The following SPIDR variants were observed in gnomAD, a reference collection of about 807,000 sequenced individuals.
SPIDR encodes scaffold protein involved in DNA repair, also known as DNA repair-scaffolding protein.
Under a neutral mutation model 104.6 loss-of-function variants are expected in SPIDR, and 93 were observed. The observed-to-expected ratio is 0.89, with a 90% CI of 0.75 to 1.06. SPIDR has a LOEUF of 1.06. Ranked by LOEUF, SPIDR falls within the 50% of genes least tolerant of loss-of-function variation. SPIDR has a pLI of 0.00. For missense variants in SPIDR, 1,154 were observed against 1,111.2 expected (o/e 1.04, Z -0.55); for synonymous variants, 431 against 416.9 (o/e 1.03, Z -0.41).
At chr8:47,360,110 C>T (rs1271487185) in intron 5 of SPIDR, among the ~76,000 whole-genome samples, 3 of 151,874 alleles carry the variant, frequency 2.0e-5, no homozygotes, top group Non-Finnish European at 2.9e-5. Flanking sequence ...GGCGTGGTGG[C>T]GGGCGCCTGT....
intron 10 of SPIDR, among the ~76,000 whole-genome samples, chr8:47,616,557 C>A (rs2154433301): frequency 6.6e-6 from 1 of 152,308 alleles, no homozygotes; most frequent in East Asian, 1.9e-4. Flanking sequence ...CAGTTCAATT[C>A]TACTGGATCC....
At chr8:47,679,562 G>T (rs1422172897) in intron 11 of SPIDR, among the ~76,000 whole-genome samples, 3 of 148,808 alleles carry the variant, frequency 2.0e-5, no homozygotes, top group African/African-American at 7.5e-5. Context: ...CTCCAGTGCT[G>T]GCCTGTGCCA....
chr8:47,341,413 G>C (rs1554613919), intron 5 of SPIDR, among the ~76,000 whole-genome samples: 1 of 151,992 alleles, frequency 6.6e-6, no homozygotes, highest in East Asian at 1.9e-4. Context: ...TTGCAGGTCA[G>C]GGCCTTTAGA....
intron 8 of SPIDR, among the ~76,000 whole-genome samples, chr8:47,594,953 G>T (rs572167880): frequency 6.6e-6 from 1 of 152,042 alleles, no homozygotes; most frequent in African/African-American, 2.4e-5. Context: ...CTGAGACCAT[G>T]CCACTGCACT....
At chr8:47,342,645 C>G (rs2051011480) in intron 5 of SPIDR, among the ~76,000 whole-genome samples, 1 of 152,050 alleles carries the variant, frequency 6.6e-6, no homozygotes, top group African/African-American at 2.4e-5. Flanking sequence ...CCTGAAATGT[C>G]TTATTTTTTA....
At chr8:47,619,532 C>T (rs2064831811) in intron 10 of SPIDR, among the ~76,000 whole-genome samples, 1 of 152,078 alleles carries the variant, frequency 6.6e-6, no homozygotes, top group Non-Finnish European at 1.5e-5. Flanking sequence ...ACTGACGCTT[C>T]CTCTCAGGGT....
intron 8 of SPIDR, chr8:47,511,618 G>T: frequency 1.3e-6 from 1 of 790,646 alleles, no homozygotes. Flanking sequence ...ATCTTGGTTG[G>T]AATGATGTCT....
At chr8:47,420,430 A>T (rs1554679257) in intron 7 of SPIDR, among the ~76,000 whole-genome samples, 1 of 152,036 alleles carries the variant, frequency 6.6e-6, no homozygotes, top group African/African-American at 2.4e-5. Context: ...AGAGACTAGG[A>T]TTGCAACCCC....
At chr8:47,668,872 C>T (rs1051105430) in intron 10 of SPIDR, among the ~76,000 whole-genome samples, 1 of 151,906 alleles carries the variant, frequency 6.6e-6, no homozygotes, top group East Asian at 1.9e-4. Flanking sequence ...ACAGTCTAGG[C>T]GTAGATCTAA....
chr8:47,592,459 C>T (rs1207373392), intron 8 of SPIDR: 2 of 1,438,890 alleles, frequency 1.4e-6, no homozygotes, highest in Non-Finnish European at 2.0e-6. Context: ...AAAAGTCCCT[C>T]CCTCAAAGGG....
At chr8:47,696,989 C>T (rs1279960217) in intron 11 of SPIDR, among the ~76,000 whole-genome samples, 1 of 152,182 alleles carries the variant, frequency 6.6e-6, no homozygotes, top group East Asian at 1.9e-4. Flanking sequence ...ACTCCTTCCG[C>T]GTGGCCCTCA....
intron 8 of SPIDR, among the ~76,000 whole-genome samples, chr8:47,552,792 G>A (rs2090744636): frequency 6.6e-6 from 1 of 152,090 alleles, no homozygotes; most frequent in South Asian, 2.1e-4. Context: ...TATGAATTTG[G>A]TGCTGTCATT....
intron 10 of SPIDR, among the ~76,000 whole-genome samples, chr8:47,608,327 TTTTA>T (rs1225194956): frequency 6.6e-6 from 1 of 152,248 alleles, no homozygotes; most frequent in African/African-American, 2.4e-5. Context: ...ATATACCATA[TTTTA>T]TTTCTCTTTT....
chr8:47,574,746 T>C (rs867196401), intron 8 of SPIDR, among the ~76,000 whole-genome samples: 13 of 151,660 alleles, frequency 8.6e-5, no homozygotes, highest in African/African-American at 1.2e-4. Flanking sequence ...AGACTCGATC[T>C]TGAGAAGAGG....
chr8:47,504,827 T>G lies in SPIDR; in HGVS notation c.1097+64285T>G, dbSNP rs551840927. 5.3e-5 allele frequency among the ~76,000 whole-genome samples: 8 copies of G among 152,358 alleles called. No homozygotes were observed. In the South Asian group the frequency reaches 1.7e-3, roughly 32 times the overall value. On this transcript the variant is annotated intron_variant, in intron 8 of 19. Coordinates refer to ENST00000297423, the MANE Select transcript of SPIDR (RefSeq NM_001080394.4). Reference sequence around the variant, plus strand: ...AGATGGGGTTTTGGAGTGGATATCCTTTCTGTTAGTTTTCCTTCTAACAGT... The same window carrying G: ...AGATGGGGTTTTGGAGTGGATATCCGTTCTGTTAGTTTTCCTTCTAACAGT...
chr8:47,325,703 C>A (rs1347164070), intron 5 of SPIDR, among the ~76,000 whole-genome samples: 2 of 152,122 alleles, frequency 1.3e-5, no homozygotes, highest in Non-Finnish European at 2.9e-5. Context: ...CTTCAACATT[C>A]GAGACAGAGT....
At chr8:47,512,959 T>G (rs1334356620) in intron 8 of SPIDR, among the ~76,000 whole-genome samples, 2 of 152,218 alleles carry the variant, frequency 1.3e-5, no homozygotes, top group Non-Finnish European at 2.9e-5. Context: ...GTTGACATTT[T>G]AACTATGAAA....
intron 5 of SPIDR, among the ~76,000 whole-genome samples, chr8:47,328,845 TCTTTTA>T (rs1321443357): frequency 5.9e-5 from 9 of 152,164 alleles, no homozygotes; most frequent in Non-Finnish European, 1.2e-4. Context: ...TTTCCTCATT[TCTTTTA>T]CTTTAAAGCA....
At chr8:47,280,229 T>A (rs1013580842) in intron 2 of SPIDR, among the ~76,000 whole-genome samples, 4 of 151,868 alleles carry the variant, frequency 2.6e-5, no homozygotes, top group East Asian at 1.9e-4. Context: ...TTTTTATTTT[T>A]TTTTTATTTT....
Sources: gnomAD v4.1 joint callset for allele counts (sites outside exome capture counted in the v4.1 genomes callset) on GRCh38, gnomAD v4.1.1 for gene constraint, MANE v1.5 for transcripts, NCBI Gene and HGNC (gene_info 2026-07-23, HGNC 2026-07-21) for gene names.